Variants in CELF2 observed in about 807,000 individuals in gnomAD.
The protein encoded by CELF2 is CUGBP Elav-like family member 2, also known as CUG triplet repeat RNA-binding protein 2.
CELF2 carries 8 observed loss-of-function variants against 62.6 expected under a neutral mutation model. The observed-to-expected ratio is 0.13, with a 90% confidence interval of 0.07 to 0.23. The LOEUF is 0.23. CELF2 is among the 10% of genes least tolerant of loss of function. The pLI, the probability that CELF2 is intolerant of heterozygous loss-of-function variation, is 1.00. For missense variants in CELF2, 333 were observed against 671.0 expected (o/e 0.50, Z 5.56); for synonymous variants, 258 against 250.0 (o/e 1.03, Z -0.30).
In CELF2 at chr10:10,880,297, C is replaced by T. The variant is rs761418024; in HGVS notation, c.54-39667C>T. ...AGACTTAGATTTTCTCCCATGCCTG[C>T]TGTTAAGGGGGCCCACGTTATAGTT... On this transcript the variant is annotated intron_variant, in intron 1 of 13. Transcript: ENST00000636488. Among the ~76,000 whole-genome samples the T allele has an allele frequency of 2.0e-5, 3 of 152,112 alleles. No homozygotes were observed. The East Asian group carries it at 5.8e-4, about 29-fold the overall frequency.
At chr10:11,162,290 G>A (rs758789362) in intron 1 of CELF2, among the ~76,000 whole-genome samples, 7 of 152,176 alleles carry the variant, frequency 4.6e-5, no homozygotes, top group East Asian at 1.9e-4. Flanking sequence ...TTTCGGCAGC[G>A]CCAGGAGAGA....
At chr10:11,116,663 A>G (rs1376344258) in intron 1 of CELF2, among the ~76,000 whole-genome samples, 1 of 152,196 alleles carries the variant, frequency 6.6e-6, no homozygotes, top group Non-Finnish European at 1.5e-5. Context: ...TGGTCCCTTC[A>G]CTTGTTAAAT....
intron 2 of CELF2, among the ~76,000 whole-genome samples, chr10:11,200,508 G>C (rs17452064): frequency 0.09 from 13,687 of 152,260 alleles, 684 homozygotes; most frequent in Middle Eastern, 0.15. Context: ...ATGAATACCT[G>C]GAAAGCATTT....
chr10:11,056,459 TA>T (rs1392353379), intron 1 of CELF2, among the ~76,000 whole-genome samples: 5 of 152,204 alleles, frequency 3.3e-5, no homozygotes, highest in Admixed American at 1.3e-4. Flanking sequence ...AGTTTCACTG[TA>T]AGATAAAGAG....
rs1321488875 is a variant in CELF2 at position 11,227,117 on chromosome 10, C to A, written c.354+9610C>A. On this transcript the variant is annotated intron_variant, in intron 3 of 12. Transcript: ENST00000633077. The surrounding 1 kb of genome is among the most constrained non-coding windows in gnomAD (Gnocchi z 4.8). The stretch of plus-strand genomic sequence containing the variant: ...ACCTGCAACCCCAAGCTTTAGGCAG[C>A]AGGACAAGAGGCCGAGGTTGTGAAA... Among the ~76,000 whole-genome samples, 1 of 152,180 alleles carries A rather than the reference C, an allele frequency of 6.6e-6. No homozygotes were observed. Among genetic ancestry groups the A allele is most frequent in the Middle Eastern group, 3.2e-3 (1 of 316 alleles).
At chr10:10,860,219 C>T (rs983274605) in intron 1 of CELF2, among the ~76,000 whole-genome samples, 2 of 152,266 alleles carry the variant, frequency 1.3e-5, no homozygotes, top group African/African-American at 4.8e-5. Flanking sequence ...TGCAATATCT[C>T]ACACCATCCA....
intron 2 of CELF2, chr10:10,946,097 G>A (rs1263617506): frequency 6.5e-6 from 1 of 152,680 alleles, no homozygotes; most frequent in Non-Finnish European, 1.5e-5. Context: ...TGGCATTCCT[G>A]AAGGGAAAGG....
chr10:11,324,193 T>C lies in CELF2; in HGVS notation c.1295-1643T>C, dbSNP rs1330303696. 2.0e-5 allele frequency among the ~76,000 whole-genome samples: 3 copies of C among 152,366 alleles called. No individual in the cohort carries two copies. The highest frequency in any genetic ancestry group is 2.1e-4 in the South Asian group (1 of 4,830). ...CATACCCAGTCATCTGTCATGTGCATTGAAACTGTATTTTCTCCCCGGCTT... is the reference window on the plus strand; with the variant it reads ...CATACCCAGTCATCTGTCATGTGCACTGAAACTGTATTTTCTCCCCGGCTT... On this transcript the variant is annotated intron_variant, in intron 11 of 12. Transcript: ENST00000633077. The surrounding 1 kb of genome is among the most constrained non-coding windows in gnomAD (Gnocchi z 4.7).
rs2061524079 is a variant in CELF2, at chr10:10,882,916, A to G, written c.54-37048A>G. ...GTTATAATAATATGATCTTGTCATG[A>G]CTAAATAGTAAAGTTCACTTTCCCC... On this transcript the variant is annotated intron_variant, in intron 1 of 13. Coordinates refer to the CELF2 transcript ENST00000636488. Among the ~76,000 whole-genome samples the G allele has an allele frequency of 2.0e-5, 3 of 152,182 alleles. No individual in the cohort carries two copies. The South Asian group carries it at 6.2e-4, about 32-fold the overall frequency.
At chr10:10,521,248 G>T in the CELF2 span, among the ~76,000 whole-genome samples, 2 of 152,120 alleles carry the variant, frequency 1.3e-5, no homozygotes, top group Admixed American at 6.6e-5. Context: ...CACAGTTACC[G>T]CAGATCAACA....
chr10:11,148,365 G>C (rs1247570765), intron 1 of CELF2, among the ~76,000 whole-genome samples: 1 of 152,222 alleles, frequency 6.6e-6, no homozygotes. Context: ...TGCTTTTGCT[G>C]ACTGGTCTGG....
At chr10:11,181,017 C>T (rs2073182031) in intron 2 of CELF2, among the ~76,000 whole-genome samples, 1 of 152,148 alleles carries the variant, frequency 6.6e-6, no homozygotes, top group African/African-American at 2.4e-5. Flanking sequence ...CTACAGGTGG[C>T]TGCCAGTATG....
chr10:10,870,081 A>T (rs545391478), intron 1 of CELF2, among the ~76,000 whole-genome samples: 1 of 152,238 alleles, frequency 6.6e-6, no homozygotes, highest in South Asian at 2.1e-4. Context: ...GCAAAGAAAT[A>T]GGAGATGGTT....
At chr10:10,474,009 A>G in the CELF2 span, among the ~76,000 whole-genome samples, 1 of 152,138 alleles carries the variant, frequency 6.6e-6, no homozygotes, top group Non-Finnish European at 1.5e-5. Context: ...TCTTATTTTT[A>G]TAACAGTGCT....
chr10:10,885,515 A>G (rs1364663909), intron 1 of CELF2, among the ~76,000 whole-genome samples: 3 of 152,022 alleles, frequency 2.0e-5, no homozygotes, highest in African/African-American at 7.2e-5. Flanking sequence ...GAAGTTTATA[A>G]AAATACTTAC....
intron 1 of CELF2, among the ~76,000 whole-genome samples, chr10:11,148,182 A>G (rs2062629707): frequency 6.6e-6 from 1 of 152,166 alleles, no homozygotes; most frequent in Admixed American, 6.5e-5. Flanking sequence ...GAGAGAGTAA[A>G]AGGTATTTCA....
the CELF2 span, among the ~76,000 whole-genome samples, chr10:10,718,623 C>CAAA: frequency 1.2e-5 from 1 of 83,850 alleles, no homozygotes; most frequent in Non-Finnish European, 2.5e-5. Flanking sequence ...GACTCCGTCT[C>CAAA]AAAAAAAAAA....
the CELF2 span, among the ~76,000 whole-genome samples, chr10:10,561,703 G>A: frequency 6.6e-6 from 1 of 152,140 alleles, no homozygotes; most frequent in African/African-American, 2.4e-5. Flanking sequence ...TGGGATTAGA[G>A]GTGGGAGCCA....
intron 1 of CELF2, among the ~76,000 whole-genome samples, chr10:11,022,038 G>GT (rs1477555574): frequency 6.6e-6 from 1 of 152,134 alleles, no homozygotes; most frequent in African/African-American, 2.4e-5. Flanking sequence ...GTGGGGTTCT[G>GT]TTTTTCTCCT....
Sources: gnomAD v4.1 joint callset for allele counts (sites outside exome capture counted in the v4.1 genomes callset) on GRCh38, gnomAD v4.1.1 for gene constraint, Gnocchi (gnomAD v3.1) non-coding constraint, MANE v1.5 for transcripts, NCBI Gene and HGNC (gene_info 2026-07-23, HGNC 2026-07-21) for gene names.